The following GTF2A1L variants were observed in gnomAD, a reference collection of about 807,000 sequenced individuals.
GTF2A1L encodes general transcription factor IIA subunit 1 like.
Under a neutral mutation model 49.7 loss-of-function variants are expected in GTF2A1L, and 48 were observed. That is an observed-to-expected ratio of 0.97 (90% CI 0.77 to 1.23). The LOEUF is 1.23. Among genes scored for constraint, GTF2A1L ranks in the 50% most tolerant of loss-of-function variants. GTF2A1L has a pLI of 0.00. For missense variants in GTF2A1L, 736 were observed against 564.8 expected (o/e 1.30, Z -3.07); for synonymous variants, 246 against 193.5 (o/e 1.27, Z -2.25).
chr2:48,621,672 T>C (rs1158954567), intron 3 of GTF2A1L, among the ~76,000 whole-genome samples: 2 of 152,148 alleles, frequency 1.3e-5, no homozygotes, highest in Non-Finnish European at 2.9e-5. Flanking sequence ...CTTTCTCTTA[T>C]TTTTTGTGTA....
At chr2:48,635,238 C>G (rs1676822464) in intron 3 of GTF2A1L, among the ~76,000 whole-genome samples, 1 of 152,084 alleles carries the variant, frequency 6.6e-6, no homozygotes, top group Admixed American at 6.6e-5. Flanking sequence ...AGAGGGCCCC[C>G]TTGCACCAGG....
chr2:48,651,696 G>A (rs189505972), intron 6 of GTF2A1L, among the ~76,000 whole-genome samples: 1 of 152,092 alleles, frequency 6.6e-6, no homozygotes, highest in African/African-American at 2.4e-5. Context: ...TTGAATTATT[G>A]TGTTTCCCAA....
chr2:48,630,349 G>GTTC (rs1558706733), intron 3 of GTF2A1L, among the ~76,000 whole-genome samples: 1 of 143,344 alleles, frequency 7.0e-6, no homozygotes, highest in Admixed American at 7.1e-5. Flanking sequence ...GAGTAGATGC[G>GTTC]TTCCTAGGTA....
intron 3 of GTF2A1L, 106 bp downstream of exon 3, chr2:48,621,396 T>C: frequency 2.0e-6 from 3 of 1,469,776 alleles, no homozygotes; most frequent in South Asian, 1.3e-5. Context: ...TGAGAAGGCT[T>C]GGACACCTAA....
At chr2:48,664,882 TTCTC>T (rs751405540) in intron 6 of GTF2A1L, among the ~76,000 whole-genome samples, 5 of 152,082 alleles carry the variant, frequency 3.3e-5, no homozygotes, top group Non-Finnish European at 5.9e-5. Flanking sequence ...CTCTCTCTCT[TTCTC>T]TCTCTGTCTG....
intron 6 of GTF2A1L, among the ~76,000 whole-genome samples, chr2:48,654,224 GTTTA>G (rs937578049): frequency 2.6e-5 from 4 of 152,054 alleles, no homozygotes; most frequent in East Asian, 1.9e-4. Context: ...TTATCTTCCA[GTTTA>G]TTTATTTTGA....
At chr2:48,619,897 A>G (rs1269213911) in intron 1 of GTF2A1L, among the ~76,000 whole-genome samples, 1 of 152,184 alleles carries the variant, frequency 6.6e-6, no homozygotes, top group Non-Finnish European at 1.5e-5. Flanking sequence ...TGGTCTCTTC[A>G]GTATGCACAC....
intron 7 of GTF2A1L, among the ~76,000 whole-genome samples, chr2:48,671,352 G>A (rs1170047003): frequency 6.6e-6 from 1 of 151,724 alleles, no homozygotes; most frequent in Non-Finnish European, 1.5e-5. Context: ...ACAGGTGTGT[G>A]CCACCATGCC....
At chr2:48,668,837 A>T (rs935236433) in intron 6 of GTF2A1L, among the ~76,000 whole-genome samples, 4 of 150,448 alleles carry the variant, frequency 2.7e-5, no homozygotes, top group African/African-American at 4.9e-5. Flanking sequence ...CCCGCCTCAA[A>T]AAATAAATAA....
chr2:48,662,364 T>C (rs1052698400), intron 6 of GTF2A1L, among the ~76,000 whole-genome samples: 1 of 152,248 alleles, frequency 6.6e-6, no homozygotes, highest in Non-Finnish European at 1.5e-5. Context: ...TTACATTTTG[T>C]GTAGCTTCAA....
chr2:48,621,402 C>A, intron 3 of GTF2A1L, 112 bp downstream of exon 3: 1 of 1,413,912 alleles, frequency 7.1e-7, no homozygotes. Flanking sequence ...GGCTTGGACA[C>A]CTAAATCATT....
intron 6 of GTF2A1L, among the ~76,000 whole-genome samples, chr2:48,663,790 C>A (rs966655876): frequency 1.3e-5 from 2 of 152,122 alleles, no homozygotes; most frequent in African/African-American, 4.8e-5. Context: ...TAGGCACACA[C>A]AACCATACCT....
intron 3 of GTF2A1L, among the ~76,000 whole-genome samples, chr2:48,631,091 T>G (rs901337603): frequency 6.6e-6 from 1 of 152,180 alleles, no homozygotes; most frequent in Non-Finnish European, 1.5e-5. Flanking sequence ...TTTTTTATCA[T>G]GTCTTTTTCA....
chr2:48,659,086 A>G (rs1000105533), intron 6 of GTF2A1L, among the ~76,000 whole-genome samples: 1 of 152,020 alleles, frequency 6.6e-6, no homozygotes, highest in East Asian at 1.9e-4. Context: ...CCCTTTGTAC[A>G]TGACTTGACT....
intron 3 of GTF2A1L, among the ~76,000 whole-genome samples, chr2:48,638,201 G>GA (rs1677007722): frequency 6.6e-6 from 1 of 152,096 alleles, no homozygotes; most frequent in Admixed American, 6.6e-5. Flanking sequence ...AAAAATTGAG[G>GA]AGGAAGGACT....
rs372382809 is a variant in GTF2A1L at position 48,645,016 on chromosome 2, A to C, written c.304-17A>C. On this transcript the variant is annotated splice_polypyrimidine_tract_variant and intron_variant, in intron 4 of 8. Coordinates refer to ENST00000403751, the MANE Select transcript of GTF2A1L (RefSeq NM_006872.5). ...AAGTCCTTTTCTAACTTTCTAATAT[A>C]AATTTCTTATATCTAGGGCACTTCA... The C allele has an allele frequency of 6.9e-6, 11 of 1,583,110 alleles. No individual in the cohort carries two copies. Among genetic ancestry groups the C allele is most frequent in the Non-Finnish European group, 8.5e-6 (10 of 1,171,520 alleles).
chr2:48,624,020 C>T (rs145837992), intron 3 of GTF2A1L, among the ~76,000 whole-genome samples: 5 of 152,274 alleles, frequency 3.3e-5, no homozygotes, highest in South Asian at 2.1e-4. Flanking sequence ...GATATACCCA[C>T]GTAGCAAACC....
chr2:48,626,550 A>T (rs1167125244), intron 3 of GTF2A1L, among the ~76,000 whole-genome samples: 1 of 143,954 alleles, frequency 6.9e-6, no homozygotes, highest in East Asian at 1.9e-4. Flanking sequence ...AGTTTCTTAT[A>T]TCAATGTTTT....
At chr2:48,662,560 G>T (rs1338261600) in intron 6 of GTF2A1L, among the ~76,000 whole-genome samples, 1 of 151,916 alleles carries the variant, frequency 6.6e-6, no homozygotes, top group African/African-American at 2.4e-5. Flanking sequence ...AACTACTCTA[G>T]CTGGGTTTTG....
Sources: gnomAD v4.1 joint callset for allele counts (sites outside exome capture counted in the v4.1 genomes callset) on GRCh38, gnomAD v4.1.1 for gene constraint, MANE v1.5 for transcripts, NCBI Gene and HGNC (gene_info 2026-07-23, HGNC 2026-07-21) for gene names.